TMCC3: variants seen among roughly 807,000 people sequenced by gnomAD.
TMCC3 encodes transmembrane and coiled-coil domain protein 3.
TMCC3 carries 28 observed loss-of-function variants against 40.2 expected under a neutral mutation model. That is an observed-to-expected ratio of 0.70 (90% CI 0.52 to 0.95). The LOEUF (loss-of-function observed/expected upper bound fraction) is 0.95. Ranked by LOEUF, TMCC3 falls within the 40% of genes least tolerant of loss-of-function variation. The pLI is 0.00. For missense variants in TMCC3, 554 were observed against 615.2 expected (o/e 0.90, Z 1.05); for synonymous variants, 255 against 248.5 (o/e 1.03, Z -0.25).
In TMCC3 at chr12:94,581,725, T is replaced by G. The variant is rs1288076966; in HGVS notation, c.892A>C (p.Lys298Gln). 1 of 1,614,230 alleles carries G rather than the reference T, an allele frequency of 6.2e-7. No homozygotes were observed. Among genetic ancestry groups the G allele is most frequent in the Non-Finnish European group, 8.5e-7 (1 of 1,180,030 alleles). ...AVILEELREI[K>Q]DTQAQLAEDI... ...TCAGCCAGCTGAGCTTGGGTATCCT[T>G]GATCTCCCTCAGTTCCTCCAGGATC... The change falls in exon 2 of 4, where the codon AAG becomes CAG. Residue 298 changes from lysine to glutamine, a missense_variant. Physicochemically the swap from Lys to Gln is moderately conservative, Grantham distance 53. Transcript: ENST00000261226.
intron 1 of TMCC3, chr12:94,616,180 C>T (rs2068847077): frequency 1.2e-6 from 1 of 810,366 alleles, no homozygotes; most frequent in South Asian, 5.6e-5. Context: ...CATTGCTGTA[C>T]AAATGGGCTC....
At chr12:94,605,746 GAAC>G (rs1229903074) in intron 1 of TMCC3, among the ~76,000 whole-genome samples, 1 of 152,154 alleles carries the variant, frequency 6.6e-6, no homozygotes, top group African/African-American at 2.4e-5. Flanking sequence ...CACCTACGAT[GAAC>G]AAAATGGCAG....
At chr12:94,648,514 C>T (rs1450652614) in intron 1 of TMCC3, among the ~76,000 whole-genome samples, 1 of 152,152 alleles carries the variant, frequency 6.6e-6, no homozygotes, top group East Asian at 1.9e-4. Flanking sequence ...CATGAGCCAC[C>T]GCCCCCGGCC....
intron 1 of TMCC3, among the ~76,000 whole-genome samples, chr12:94,632,492 T>C (rs931109767): frequency 1.3e-5 from 2 of 152,234 alleles, no homozygotes; most frequent in African/African-American, 2.4e-5. Flanking sequence ...TCTATCAGCA[T>C]CATAAAAATT....
chr12:94,638,596 AT>A (rs1437039962), intron 1 of TMCC3, among the ~76,000 whole-genome samples: 1 of 152,222 alleles, frequency 6.6e-6, no homozygotes, highest in Non-Finnish European at 1.5e-5. Flanking sequence ...CCTGATGCCA[AT>A]ACATAGAGTC....
At chr12:94,601,060 TAA>T (rs1483288424) in intron 1 of TMCC3, among the ~76,000 whole-genome samples, 5 of 151,630 alleles carry the variant, frequency 3.3e-5, no homozygotes, top group African/African-American at 1.2e-4. Flanking sequence ...CACACCTAAT[TAA>T]AACAAAAGTT....
intron 1 of TMCC3, among the ~76,000 whole-genome samples, chr12:94,637,322 A>C (rs549223273): frequency 1.3e-5 from 2 of 152,352 alleles, no homozygotes; most frequent in East Asian, 3.9e-4. Context: ...ATTTCTGTAG[A>C]GCTGTAATTA....
chr12:94,586,099 AC>A (rs1339668219), intron 1 of TMCC3, among the ~76,000 whole-genome samples: 1 of 152,220 alleles, frequency 6.6e-6, no homozygotes, highest in Non-Finnish European at 1.5e-5. Flanking sequence ...GCTTCCCAAT[AC>A]CTGGATAATA....
rs150126516 is a variant in TMCC3 at position 94,571,287 on chromosome 12, T to C, written c.*148A>G. ...ACTGAGTTGGCAACTGCTACGGAGT[T>C]AAGAGAATTGTAGTTATTTACACCA... On this transcript the variant is annotated 3_prime_UTR_variant, in exon 4 of 4. Coordinates refer to ENST00000261226, the MANE Select transcript of TMCC3 (RefSeq NM_020698.4). 7,292 of 803,866 alleles carry C rather than the reference T, an allele frequency of 9.1e-3. 62 individuals are homozygous for C. The highest frequency in any genetic ancestry group is 0.012 in the Middle Eastern group (33 of 2,734). The allele number at this position is 803,866 out of a possible 1,614,324, so 49.8% of individuals were successfully genotyped here. A position where few individuals can be genotyped will look rare whatever the true frequency, so the allele number is the denominator to read the frequency against.
chr12:94,572,813 G>C (rs929025919), intron 3 of TMCC3, among the ~76,000 whole-genome samples: 2 of 152,138 alleles, frequency 1.3e-5, no homozygotes, highest in African/African-American at 4.8e-5. Flanking sequence ...GCGGAGGAAG[G>C]CGAGAGAAGG....
chr12:94,606,520 CCAT>C (rs1307107842), intron 1 of TMCC3, among the ~76,000 whole-genome samples: 5 of 152,062 alleles, frequency 3.3e-5, no homozygotes, highest in Non-Finnish European at 7.4e-5. Flanking sequence ...GTGTACACCA[CCAT>C]GCCTGGCTAA....
At chr12:94,630,735 T>C (rs1477994911) in intron 1 of TMCC3, among the ~76,000 whole-genome samples, 1 of 152,226 alleles carries the variant, frequency 6.6e-6, no homozygotes, top group Non-Finnish European at 1.5e-5. Context: ...TGTTTTGTTT[T>C]GTTTTGTTTT....
intron 1 of TMCC3, among the ~76,000 whole-genome samples, chr12:94,625,236 G>A (rs1169833209): frequency 6.6e-6 from 1 of 151,792 alleles, no homozygotes; most frequent in African/African-American, 2.4e-5. Context: ...GGTAGTGGTG[G>A]TTAGGACTTC....
chr12:94,627,442 T>G (rs1247338936), intron 1 of TMCC3, among the ~76,000 whole-genome samples: 4 of 152,162 alleles, frequency 2.6e-5, no homozygotes, highest in Admixed American at 1.3e-4. Context: ...CATGCCCACC[T>G]ACAATTTCTT....
In TMCC3 at chr12:94,581,766, T is replaced by G. The variant is rs1406782758; in HGVS notation, c.851A>C (p.Gln284Pro). ...GAGGASTLDSQGKLAVILEEL... is the reference protein window; with the variant it reads ...GAGGASTLDSPGKLAVILEEL... ...CTCCAGGATCACGGCGAGCTTGCCC[T>G]GGCTGTCCAGTGTGCTGGCTCCACC... is the stretch of plus-strand genomic sequence containing the variant. Residue 284 changes from glutamine to proline, a missense_variant, in exon 2 of 4, where the codon CAG becomes CCG. Physicochemically the swap from Gln to Pro is moderately conservative, Grantham distance 76. Coordinates refer to ENST00000261226, the MANE Select transcript of TMCC3 (RefSeq NM_020698.4). 5.6e-6 allele frequency: 9 copies of G among 1,614,118 alleles called. No individual in the cohort carries two copies. Among genetic ancestry groups the G allele is most frequent in the Non-Finnish European group, 7.6e-6 (9 of 1,180,000 alleles).
chr12:94,596,401 C>T (rs2068715482), intron 1 of TMCC3, among the ~76,000 whole-genome samples: 3 of 152,158 alleles, frequency 2.0e-5, no homozygotes. Context: ...ACACTGCATG[C>T]ACTTTGCTAT....
At position 94,578,395 on chromosome 12, in the gene TMCC3, T is replaced by C. The variant is rs1225207713; in HGVS notation, c.1130A>G (p.Gln377Arg). 6.2e-7 allele frequency: 1 copy of C among 1,613,678 alleles called. No individual in the cohort carries two copies. Among genetic ancestry groups the C allele is most frequent in the Non-Finnish European group, 8.5e-7 (1 of 1,179,756 alleles). The change falls in exon 3 of 4, where the codon CAG (glutamine) becomes CGG (arginine). Residue 377 changes from glutamine (Q) to arginine (R), a missense_variant and splice_region_variant. Transcript: ENST00000261226. Reference protein sequence around the residue: ...YQAYERSRDIQEALESCQTRI... With the variant: ...YQAYERSRDIREALESCQTRI... ...GTCTAATCACAAAGGGAAAGGTACCTGGATGTCCCGCGAGCGCTCGTAGGC... is the reference window on the plus strand; with the variant it reads ...GTCTAATCACAAAGGGAAAGGTACCCGGATGTCCCGCGAGCGCTCGTAGGC...
chr12:94,620,874 T>G (rs2068872563), intron 1 of TMCC3, among the ~76,000 whole-genome samples: 1 of 152,234 alleles, frequency 6.6e-6, no homozygotes. Flanking sequence ...AGTGGCTCAA[T>G]GTAAACCATT....
At chr12:94,596,384 C>T (rs942484550) in intron 1 of TMCC3, among the ~76,000 whole-genome samples, 3 of 152,196 alleles carry the variant, frequency 2.0e-5, no homozygotes, top group Non-Finnish European at 4.4e-5. Flanking sequence ...GAGCCAGTCA[C>T]ACCTGAACAC....
Sources: gnomAD v4.1 joint callset for allele counts (sites outside exome capture counted in the v4.1 genomes callset) on GRCh38, gnomAD v4.1.1 for gene constraint, MANE v1.5 for transcripts, NCBI Gene and HGNC (gene_info 2026-07-23, HGNC 2026-07-21) for gene names.